Variants in FOXP1 observed in about 807,000 individuals in gnomAD.
FOXP1 encodes forkhead box P1.
Under a neutral mutation model 98.2 loss-of-function variants are expected in FOXP1, and 15 were observed. The ratio of observed to expected loss-of-function variants is 0.15; its 90% CI spans 0.10 to 0.24. FOXP1 has a LOEUF of 0.24. Ranked by LOEUF, FOXP1 falls within the 10% of genes least tolerant of loss-of-function variation. The pLI, the probability that FOXP1 is intolerant of heterozygous loss-of-function variation, is 1.00. For missense variants in FOXP1, 633 were observed against 848.5 expected (o/e 0.75, Z 3.15); for synonymous variants, 371 against 314.5 (o/e 1.18, Z -1.90).
At chr3:71,007,862 G>T (rs1333014324) in intron 12 of FOXP1, among the ~76,000 whole-genome samples, 2 of 152,074 alleles carry the variant, frequency 1.3e-5, no homozygotes, top group South Asian at 2.1e-4. Flanking sequence ...TTTCGGGAAG[G>T]GTCAAAGTTC....
At chr3:71,130,790 CAAAGTTGAAAGATCA>C in intron 6 of FOXP1, 2 of 1,437,164 alleles carry the variant, frequency 1.4e-6, no homozygotes, top group Non-Finnish European at 1.8e-6. Context: ...TCTTCACTTT[CAAAGTTGAAAGATCA>C]GTTGGAGCTT....
chr3:71,356,788 T>C (rs960341150), intron 4 of FOXP1, among the ~76,000 whole-genome samples: 1 of 152,146 alleles, frequency 6.6e-6, no homozygotes, highest in Admixed American at 6.5e-5. Flanking sequence ...ACAGGAGGCA[T>C]CCAAGGAGTT....
At chr3:71,183,370 G>A (rs944106985) in intron 6 of FOXP1, among the ~76,000 whole-genome samples, 1 of 152,078 alleles carries the variant, frequency 6.6e-6, no homozygotes, top group Non-Finnish European at 1.5e-5. Context: ...ATAGTGGCGC[G>A]AGCCTGCAAT....
chr3:71,268,488 C>CCAGGGG (rs2069969428), intron 5 of FOXP1, among the ~76,000 whole-genome samples: 2 of 152,070 alleles, frequency 1.3e-5, no homozygotes, highest in African/African-American at 4.8e-5. Context: ...GTAATTAAAA[C>CCAGGGG]CGATCTTCTT....
chr3:71,178,612 G>A (rs900926627), intron 6 of FOXP1, among the ~76,000 whole-genome samples: 13 of 151,954 alleles, frequency 8.6e-5, no homozygotes, highest in African/African-American at 9.7e-5. Flanking sequence ...GGCCGGGTGC[G>A]GTGTCTCAAG....
chr3:71,362,364 G>A (rs960687515), intron 3 of FOXP1, among the ~76,000 whole-genome samples: 2 of 152,078 alleles, frequency 1.3e-5, no homozygotes, highest in Admixed American at 1.3e-4. Flanking sequence ...GTAGAGGCGG[G>A]GTTTTGCCGT....
At chr3:70,977,612 C>A (rs1014710916) in intron 16 of FOXP1, 31 bp downstream of exon 16, 17 of 1,548,688 alleles carry the variant, frequency 1.1e-5, no homozygotes, top group Admixed American at 1.7e-5. Context: ...TACCTTCTGA[C>A]AGAATTTCAT....
chr3:71,270,016 C>G (rs1391593064), intron 5 of FOXP1, among the ~76,000 whole-genome samples: 2 of 152,202 alleles, frequency 1.3e-5, no homozygotes, highest in African/African-American at 4.8e-5. Context: ...TTTCCGAGTG[C>G]TGGAGTGGGT....
At chr3:71,250,785 G>A (rs910363847) in intron 5 of FOXP1, among the ~76,000 whole-genome samples, 1 of 152,080 alleles carries the variant, frequency 6.6e-6, no homozygotes, top group Non-Finnish European at 1.5e-5. Context: ...CAAAAAATTA[G>A]CTAGGCATGG....
rs555111019 is a variant in FOXP1, at chr3:71,199,169, G to A, written c.-11-777C>T. Among the ~76,000 whole-genome samples, 399 of 149,590 alleles carry A rather than the reference G, an allele frequency of 2.7e-3. 3 individuals carry two copies. The highest frequency in any genetic ancestry group is 8.4e-3 in the African/African-American group (343 of 40,594). ...GTCGCCGAGGATGAAGTGCAGTGGCGCTATCTCTGCTCACTGCCTCCGCCT... is the reference window on the plus strand; with the variant it reads ...GTCGCCGAGGATGAAGTGCAGTGGCACTATCTCTGCTCACTGCCTCCGCCT... On this transcript the variant is annotated intron_variant, in intron 5 of 20. Transcript: ENST00000649528.
At chr3:71,247,468 C>T (rs2067841341) in intron 5 of FOXP1, among the ~76,000 whole-genome samples, 1 of 152,146 alleles carries the variant, frequency 6.6e-6, no homozygotes, top group Non-Finnish European at 1.5e-5. Flanking sequence ...ATTCCAACCT[C>T]TGGGGGAAAG....
At chr3:71,258,854 G>A (rs2068855188) in intron 5 of FOXP1, among the ~76,000 whole-genome samples, 1 of 152,086 alleles carries the variant, frequency 6.6e-6, no homozygotes, top group South Asian at 2.1e-4. Context: ...CTAAGAATGG[G>A]ATGGGCTGAG....
At chr3:71,263,355 A>C (rs919383389) in intron 5 of FOXP1, among the ~76,000 whole-genome samples, 2 of 152,236 alleles carry the variant, frequency 1.3e-5, no homozygotes, top group African/African-American at 4.8e-5. Flanking sequence ...TGCTGAAAGA[A>C]TATAAAAATC....
intron 5 of FOXP1, among the ~76,000 whole-genome samples, chr3:71,261,750 G>A (rs575727026): frequency 5.9e-4 from 90 of 152,114 alleles, no homozygotes; most frequent in Non-Finnish European, 1.0e-3. Context: ...TGTTACTCTC[G>A]AGGGGACGGA....
At chr3:71,026,725 C>T (rs1159492594) in intron 11 of FOXP1, among the ~76,000 whole-genome samples, 1 of 152,194 alleles carries the variant, frequency 6.6e-6, no homozygotes, top group African/African-American at 2.4e-5. Context: ...CCCTATCTCC[C>T]CCCTTTCCAG....
intron 6 of FOXP1, among the ~76,000 whole-genome samples, chr3:71,160,499 C>A (rs151317347): frequency 1.3e-5 from 2 of 152,110 alleles, no homozygotes; most frequent in Non-Finnish European, 2.9e-5. Context: ...CCACTGTTGG[C>A]GTTAAGTGAA....
At chr3:71,174,920 T>G (rs1003232843) in intron 6 of FOXP1, among the ~76,000 whole-genome samples, 8 of 151,424 alleles carry the variant, frequency 5.3e-5, no homozygotes, top group Admixed American at 3.3e-4. Context: ...TAAATGTTTT[T>G]TTTTTTTTTT....
At chr3:71,404,115 T>A (rs1464852882) in intron 3 of FOXP1, among the ~76,000 whole-genome samples, 26 of 37,836 alleles carry the variant, frequency 6.9e-4, no homozygotes, top group African/African-American at 2.1e-3. Context: ...TTTTCTTTTC[T>A]TTTTCTTTTT....
intron 5 of FOXP1, among the ~76,000 whole-genome samples, chr3:71,228,239 T>C (rs1406656396): frequency 6.6e-6 from 1 of 152,140 alleles, no homozygotes; most frequent in Non-Finnish European, 1.5e-5. Flanking sequence ...AGAGATTTGG[T>C]ACCTAAGTGG....
Sources: gnomAD v4.1 joint callset for allele counts (sites outside exome capture counted in the v4.1 genomes callset) on GRCh38, gnomAD v4.1.1 for gene constraint, MANE v1.5 for transcripts, NCBI Gene and HGNC (gene_info 2026-07-23, HGNC 2026-07-21) for gene names.